Variants in TENM1 observed in about 807,000 individuals in gnomAD.
TENM1 encodes teneurin-1.
In TENM1, 35 loss-of-function variants were observed where a neutral mutation model predicts 174.8. The ratio of observed to expected loss-of-function variants is 0.20; its 90% CI spans 0.15 to 0.27. The LOEUF (loss-of-function observed/expected upper bound fraction) is 0.27, where lower values mean the gene tolerates loss of function less well. Among genes scored for constraint, TENM1 ranks in the 10% least tolerant of loss-of-function variants. TENM1 has a pLI of 1.00. For synonymous variants in TENM1, 781 were observed against 798.7 expected, an observed-to-expected ratio of 0.98 and a Z score of 0.37; for missense variants, 1,633 against 2,130.1, an observed-to-expected ratio of 0.77 and a Z score of 4.59.
At chrX:124,710,836 G>A (rs768111015) in intron 4 of TENM1, among the ~76,000 whole-genome samples, 5 of 112,091 alleles carry the variant, frequency 4.5e-5, no homozygotes, top group Non-Finnish European at 7.5e-5. Flanking sequence ...TGCAAATGAC[G>A]TGTTTTGTCA....
chrX:125,164,826 A>G, the TENM1 span, among the ~76,000 whole-genome samples: 1 of 111,828 alleles, frequency 8.9e-6, no homozygotes, highest in Admixed American at 9.5e-5. Context: ...GCACTGTTCT[A>G]TTACTGAAGA....
rs375484372 is a variant in TENM1, at chrX:124,469,728, G to GA, written c.3949+12003dup. ...AAAATTCTATAGGGTTAAAAAAAGAGAAAAAAATGACAAGCTTGGAAAAAT... is the reference window on the plus strand; with the variant it reads ...AAAATTCTATAGGGTTAAAAAAAGAGAAAAAAAATGACAAGCTTGGAAAAAT... On this transcript the variant is annotated intron_variant, in intron 22 of 31. Transcript: ENST00000422452. Among the ~76,000 whole-genome samples the GA allele has an allele frequency of 4.3e-3, 480 of 110,917 alleles. 2 individuals are homozygous for GA. The highest frequency in any genetic ancestry group is 0.014 in the African/African-American group (443 of 30,553).
intron 19 of TENM1, among the ~76,000 whole-genome samples, chrX:124,502,271 C>T (rs2047348761): frequency 8.9e-6 from 1 of 111,914 alleles, no homozygotes; most frequent in Admixed American, 9.4e-5. Flanking sequence ...GGAGATAACA[C>T]ATTTGTGAAA....
exon 17 of TENM1, chrX:124,523,619 G>A: frequency 8.3e-7 from 1 of 1,210,108 alleles, no homozygotes; most frequent in Non-Finnish European, 1.1e-6. Flanking sequence ...TGGCCACGAG[G>A]TCAAAGCTAA....
chrX:125,139,866 A>ACG, the TENM1 span, among the ~76,000 whole-genome samples: 72 of 68,939 alleles, frequency 1.0e-3, no homozygotes, highest in East Asian at 2.2e-3. Flanking sequence ...ACGGAGAGAG[A>ACG]GAGAGAGAGA....
the TENM1 span, among the ~76,000 whole-genome samples, chrX:125,038,637 T>C: frequency 9.0e-5 from 10 of 111,340 alleles, no homozygotes; most frequent in East Asian, 2.6e-3. Flanking sequence ...GTTTTGAATA[T>C]GACATGCCTA....
the TENM1 span, among the ~76,000 whole-genome samples, chrX:125,134,124 T>C: frequency 1.8e-5 from 2 of 111,610 alleles, no homozygotes; most frequent in African/African-American, 6.5e-5. Flanking sequence ...AGTGTTTTGT[T>C]CATATTAATC....
At chrX:125,012,336 G>A in the TENM1 span, among the ~76,000 whole-genome samples, 1 of 111,488 alleles carries the variant, frequency 9.0e-6, no homozygotes, top group African/African-American at 3.3e-5. Flanking sequence ...ATGTATCCTG[G>A]AATTTAAAGT....
At chrX:124,580,930 G>C (rs1007999325) in intron 11 of TENM1, among the ~76,000 whole-genome samples, 5 of 110,051 alleles carry the variant, frequency 4.5e-5, no homozygotes, top group African/African-American at 1.7e-4. Context: ...TTATGTCCCT[G>C]AGTATTCAAT....
intron 5 of TENM1, among the ~76,000 whole-genome samples, chrX:124,683,328 G>A (rs940336088): frequency 1.8e-5 from 2 of 111,677 alleles, no homozygotes; most frequent in African/African-American, 6.5e-5. Flanking sequence ...TCTTACTTAA[G>A]GCCAAGAGAA....
At chrX:125,019,568 T>G in the TENM1 span, among the ~76,000 whole-genome samples, 1 of 111,224 alleles carries the variant, frequency 9.0e-6, no homozygotes, top group Non-Finnish European at 1.9e-5. Context: ...TTGTGGATAT[T>G]AATTATTATT....
chrX:124,476,966 G>A (rs2046739699), intron 22 of TENM1, among the ~76,000 whole-genome samples: 1 of 112,333 alleles, frequency 8.9e-6, no homozygotes, highest in Non-Finnish European at 1.9e-5. Flanking sequence ...GTATTGATGA[G>A]TAAAATGGCA....
intron 3 of TENM1, among the ~76,000 whole-genome samples, chrX:124,851,183 C>G (rs1238530795): frequency 9.0e-6 from 1 of 111,409 alleles, no homozygotes; most frequent in African/African-American, 3.3e-5. Flanking sequence ...AGTACAATAT[C>G]TAATTTGGCC....
At chrX:124,455,081 T>C (rs762728556) in intron 22 of TENM1, among the ~76,000 whole-genome samples, 2 of 112,387 alleles carry the variant, frequency 1.8e-5, no homozygotes, top group East Asian at 5.6e-4. Flanking sequence ...ATATTAAGAC[T>C]TGGCTTTATG....
At chrX:124,391,583 T>C (rs1169055917) in intron 28 of TENM1, among the ~76,000 whole-genome samples, 1 of 111,827 alleles carries the variant, frequency 8.9e-6, no homozygotes, top group Non-Finnish European at 1.9e-5. Flanking sequence ...TCCCGCAGGC[T>C]GATTACTTTT....
At chrX:124,951,670 ATAT>A (rs1569487553) in intron 1 of TENM1, among the ~76,000 whole-genome samples, 1,833 of 66,562 alleles carry the variant, frequency 0.028, 40 homozygotes, top group African/African-American at 0.073. Context: ...ATATATATAT[ATAT>A]AACAATCAAT....
chrX:124,970,282 A>G, the TENM1 span, among the ~76,000 whole-genome samples: 1 of 111,724 alleles, frequency 9.0e-6, no homozygotes, highest in Non-Finnish European at 1.9e-5. Context: ...ACTTCCTCCA[A>G]ATAGTCTCAC....
chrX:125,174,134 G>A, the TENM1 span, among the ~76,000 whole-genome samples: 3 of 111,293 alleles, frequency 2.7e-5, no homozygotes, highest in Admixed American at 9.6e-5. Context: ...ATCCAACCTC[G>A]GAAATATGAT....
At chrX:124,705,314 A>G in intron 4 of TENM1, 63 bp from the exon 8 acceptor site, 1 of 869,990 alleles carries the variant, frequency 1.1e-6, no homozygotes, top group Middle Eastern at 2.9e-4. Flanking sequence ...AAAAACACAA[A>G]CTCCATTAAT....
Sources: allele counts gnomAD v4.1 joint callset (sites outside exome capture counted in the v4.1 genomes callset), GRCh38; gene constraint gnomAD v4.1.1; transcripts MANE v1.5; gene names NCBI Gene and HGNC (gene_info 2026-07-23, HGNC 2026-07-21).